TGS1: variants seen among roughly 807,000 people sequenced by gnomAD.
The protein encoded by TGS1 is trimethylguanosine synthase 1, also known as trimethylguanosine synthase.
TGS1 carries 69 observed loss-of-function variants against 92.2 expected under a neutral mutation model. The ratio of observed to expected loss-of-function variants is 0.75; its 90% CI spans 0.62 to 0.91. TGS1 has a LOEUF of 0.91. Ranked by LOEUF, TGS1 falls within the 40% of genes least tolerant of loss-of-function variation. The probability of loss-of-function intolerance (pLI) is 0.00; values close to 1 mark genes in which losing one functional copy is unlikely to be tolerated. For missense variants in TGS1, 1,062 were observed against 1,001.2 expected (o/e 1.06, Z -0.82); for synonymous variants, 345 against 338.1 (o/e 1.02, Z -0.22).
intron 1 of TGS1, among the ~76,000 whole-genome samples, chr8:55,780,263 G>A (rs1389810841): frequency 6.7e-6 from 1 of 149,790 alleles, no homozygotes; most frequent in Admixed American, 6.7e-5. Context: ...TCAGCCTTCT[G>A]GGCTCAGGTG....
At chr8:55,793,369 G>A (rs1432025750) in intron 6 of TGS1, among the ~76,000 whole-genome samples, 2 of 152,124 alleles carry the variant, frequency 1.3e-5, no homozygotes, top group Non-Finnish European at 2.9e-5. Context: ...GTGCATGCTT[G>A]TGTTTCCAGC....
Position 55,775,719 on chromosome 8 carries a change from T to C in TGS1, c.101+2000T>C, listed in dbSNP as rs980936199. 1.3e-5 allele frequency among the ~76,000 whole-genome samples: 2 copies of C among 151,980 alleles called. 1 individual carries two copies. The highest frequency in any genetic ancestry group is 2.9e-5 in the Non-Finnish European group (2 of 68,002). On this transcript the variant is annotated intron_variant, in intron 1 of 12. Coordinates refer to ENST00000260129, the MANE Select transcript of TGS1 (RefSeq NM_024831.8). ...GGTATAAGCAGTTAGATATATTGAT[T>C]TGGAGCGCTGGAGAAGTCTGGGCTA...
At chr8:55,809,732 G>A in intron 10 of TGS1, among the ~76,000 whole-genome samples, 1 of 152,202 alleles carries the variant, frequency 6.6e-6, no homozygotes, top group East Asian at 1.9e-4. Flanking sequence ...ACCGTGCCCA[G>A]CCAGCATTTC....
At chr8:55,796,266 T>A in intron 7 of TGS1, 114 bp downstream of exon 7, 1 of 806,022 alleles carries the variant, frequency 1.2e-6, no homozygotes. Context: ...TCAAGGTACA[T>A]AATTTTTTTT....
chr8:55,787,043 C>G lies in TGS1; in HGVS notation c.1145C>G (p.Thr382Arg). 6.2e-7 allele frequency: 1 copy of G among 1,611,236 alleles called. No homozygotes were observed. The highest frequency in any genetic ancestry group is 2.2e-5 in the East Asian group (1 of 44,870). ...EESNSSGNTN[T>R]DPPAEDSQKS... Reference sequence around the variant, plus strand: ...AGCAACTCATCGGGGAATACAAACACAGACCCACCAGCTGAGGGTAAGATT... The same window carrying G: ...AGCAACTCATCGGGGAATACAAACAGAGACCCACCAGCTGAGGGTAAGATT... Residue 382 changes from threonine (T) to arginine (R), a missense_variant, in exon 4 of 13, where the codon ACA (threonine) becomes AGA (arginine). By Grantham distance (71) the Thr-to-Arg change is moderately conservative (BLOSUM62 -1). Coordinates refer to ENST00000260129, the MANE Select transcript of TGS1 (RefSeq NM_024831.8).
chr8:55,821,137 A>G (rs1261243197), intron 12 of TGS1, among the ~76,000 whole-genome samples: 1 of 152,336 alleles, frequency 6.6e-6, no homozygotes, highest in East Asian at 1.9e-4. Context: ...TGAAAGTAAC[A>G]TGTTAAGTTT....
rs1333256211 is a variant in TGS1 at position 55,812,069 on chromosome 8, T to C, written c.2361-971T>C. On this transcript the variant is annotated intron_variant, in intron 11 of 12. Coordinates refer to ENST00000260129, the MANE Select transcript of TGS1 (RefSeq NM_024831.8). Reference sequence around the variant, plus strand: ...TCAATTCACACTGATGCTGGCTAATTTGCTGTGTATCTTCACATTTTTCCT... The same window carrying C: ...TCAATTCACACTGATGCTGGCTAATCTGCTGTGTATCTTCACATTTTTCCT... Among the ~76,000 whole-genome samples the C allele has an allele frequency of 2.6e-5, 4 of 152,178 alleles. 1 individual carries two copies. The highest frequency in any genetic ancestry group is 1.3e-4 in the Admixed American group (2 of 15,276).
At chr8:55,785,419 G>T (rs1248809920) in intron 2 of TGS1, among the ~76,000 whole-genome samples, 6 of 151,802 alleles carry the variant, frequency 4.0e-5, no homozygotes, top group Non-Finnish European at 8.8e-5. Flanking sequence ...AACTTTGCAG[G>T]CCAGGCAAGG....
At chr8:55,805,157 A>T in intron 10 of TGS1, 121 bp downstream of exon 10, 2 of 660,370 alleles carry the variant, frequency 3.0e-6, no homozygotes, top group East Asian at 7.2e-5. Flanking sequence ...ATATGAAATG[A>T]TATAAAATAA....
intron 12 of TGS1, among the ~76,000 whole-genome samples, chr8:55,813,710 A>G (rs995579154): frequency 1.4e-4 from 22 of 151,978 alleles, no homozygotes; most frequent in African/African-American, 3.4e-4. Context: ...TTCTTCAACT[A>G]TGTTCTCATT....
In TGS1 at chr8:55,825,802, ATTAC is replaced by A. The variant is rs1803779490; in HGVS notation, c.*1102_*1105del. Among the ~76,000 whole-genome samples the A allele has an allele frequency of 1.3e-5, 2 of 152,142 alleles. No homozygotes were observed. Among genetic ancestry groups the A allele is most frequent in the East Asian group, 3.8e-4 (2 of 5,204 alleles). On this transcript the variant is annotated 3_prime_UTR_variant, in exon 13 of 13. Transcript: ENST00000260129. Reference sequence around the variant, plus strand: ...AACTGAGCTGATCAATAAAGGTGAAATTACTTTTTCATTAATTCGCAATTTCAAA... The same window carrying A: ...AACTGAGCTGATCAATAAAGGTGAAATTTTTCATTAATTCGCAATTTCAAA...
Position 55,811,097 on chromosome 8 carries a change from G to T in TGS1, c.2360G>T (p.Gly787Val). The T allele has an allele frequency of 7.0e-7, 1 of 1,438,136 alleles. No homozygotes were observed. Among genetic ancestry groups the T allele is most frequent in the East Asian group, 3.4e-5 (1 of 29,038 alleles). 89.1% of individuals were successfully genotyped at this position (1,438,136 alleles called of 1,614,324 possible). A position where few individuals can be genotyped will look rare whatever the true frequency, so the allele number is the denominator to read the frequency against. The part of the protein sequence containing the change: ...FDIRTMMSPD[G>V]FEIFRLSKKI... ...ATTAGAACAATGATGTCTCCTGATG[G>T]ATATCCTTTGGAAGTCTTAAGAGTT... is the stretch of plus-strand genomic sequence containing the variant. Residue 787 changes from glycine to valine, a missense_variant and splice_region_variant, in exon 11 of 13, where the codon GGC (glycine) becomes GTC (valine). By Grantham distance (109) the Gly-to-Val change is moderately radical. Coordinates refer to ENST00000260129, the MANE Select transcript of TGS1 (RefSeq NM_024831.8).
At chr8:55,792,296 A>G (rs1341072798) in intron 5 of TGS1, among the ~76,000 whole-genome samples, 2 of 152,012 alleles carry the variant, frequency 1.3e-5, no homozygotes, top group African/African-American at 4.8e-5. Flanking sequence ...ATTTTTTTGG[A>G]TTGTATTGAT....
rs1472681183 is a variant in TGS1 at position 55,779,623 on chromosome 8, C to T, written c.102-3125C>T. ...CTTAATTCACGGCCCACAGTATGAT[C>T]GGGTACTGATGCTACTTTTAGGAAG... On this transcript the variant is annotated intron_variant, in intron 1 of 12. Coordinates refer to ENST00000260129, the MANE Select transcript of TGS1 (RefSeq NM_024831.8). Among the ~76,000 whole-genome samples, 6 of 152,242 alleles carry T rather than the reference C, an allele frequency of 3.9e-5. No homozygotes were observed. In the South Asian group the frequency reaches 1.2e-3, roughly 32 times the overall value.
intron 5 of TGS1, among the ~76,000 whole-genome samples, chr8:55,790,582 TCTTGAACTCCTCAGCTCAATTGAA>T (rs1426657408): frequency 6.6e-5 from 10 of 152,074 alleles, no homozygotes; most frequent in Admixed American, 3.9e-4. Flanking sequence ...CTCACTATGA[TCTTGAACTCCTCAGCTCAATTGAA>T]CTTGAACTCC....
chr8:55,785,595 T>A (rs1180374690), intron 2 of TGS1, 124 bp from the exon 3 acceptor site: 5 of 645,780 alleles, frequency 7.7e-6, no homozygotes, highest in Admixed American at 3.6e-5. Context: ...ATAAAAAAAA[T>A]TGTAACATTT....
intron 6 of TGS1, among the ~76,000 whole-genome samples, chr8:55,794,428 A>G (rs748321683): frequency 5.9e-5 from 9 of 152,284 alleles, no homozygotes; most frequent in African/African-American, 1.7e-4. Context: ...CCATGCAACA[A>G]TTGAAGGGCA....
chr8:55,780,199 T>A (rs908523541), intron 1 of TGS1, among the ~76,000 whole-genome samples: 1 of 149,808 alleles, frequency 6.7e-6, no homozygotes, highest in Admixed American at 6.7e-5. Flanking sequence ...AGTCAGAGAT[T>A]CGCTCTGCTG....
At chr8:55,822,899 A>G (rs1803688635) in intron 12 of TGS1, among the ~76,000 whole-genome samples, 1 of 152,192 alleles carries the variant, frequency 6.6e-6, no homozygotes, top group South Asian at 2.1e-4. Context: ...CACTGAGATT[A>G]CATTCTCTCA....
Sources: allele counts gnomAD v4.1 joint callset (sites outside exome capture counted in the v4.1 genomes callset), GRCh38; gene constraint gnomAD v4.1.1; transcripts MANE v1.5; gene names NCBI Gene and HGNC (gene_info 2026-07-23, HGNC 2026-07-21).